Variants in CARF observed in about 807,000 individuals in gnomAD.
CARF encodes the protein calcium responsive transcription factor, also known as calcium-responsive transcription factor.
Under a neutral mutation model 82.0 loss-of-function variants are expected in CARF, and 57 were observed. The observed-to-expected ratio is 0.70, with a 90% confidence interval of 0.56 to 0.87. The LOEUF is 0.87. Among genes scored for constraint, CARF ranks in the 40% least tolerant of loss-of-function variants. The pLI is 0.00. For synonymous variants in CARF, 268 were observed against 290.1 expected (o/e 0.92, Z 0.77); for missense variants, 771 against 855.8 (o/e 0.90, Z 1.24).
chr2:202,938,778 G>A lies in CARF; in HGVS notation c.-43-3082G>A, dbSNP rs144335487. 1.2e-3 allele frequency among the ~76,000 whole-genome samples: 186 copies of A among 151,354 alleles called. 1 individual carries two copies. The highest frequency in any genetic ancestry group is 9.9e-3 in the East Asian group (51 of 5,158). ...TTTTTCTTTTTTGAGATGGGGTTTC[G>A]CCATGTTGGCAGGCTGATCTCAAAC... On this transcript the variant is annotated intron_variant, in intron 3 of 16. Transcript: ENST00000438828.
At chr2:202,975,438 C>T (rs187018618) in intron 13 of CARF, among the ~76,000 whole-genome samples, 16 of 149,424 alleles carry the variant, frequency 1.1e-4, no homozygotes, top group Non-Finnish European at 1.5e-4. Context: ...AGCGAGACTC[C>T]GTCTAAAAAA....
chr2:202,966,988 T>C lies in CARF; in HGVS notation c.843T>C (p.Ala281=). ...GGTTTTGGCCCACAGGGAGTAGAGC[T>C]GTGGTAATGGAGTGTCAGTATGGGC... ...GIPFVNAGSR[A]VVMECQYGPR... is the part of the protein sequence containing the mutation. The change falls in exon 10 of 17, where the codon GCT becomes GCC. Residue 281 remains alanine, a synonymous_variant. Coordinates refer to ENST00000438828, the MANE Select transcript of CARF (RefSeq NM_024744.17). The C allele has an allele frequency of 3.1e-6, 5 of 1,613,896 alleles. No individual in the cohort carries two copies. The South Asian group carries it at 3.3e-5, about 11-fold the overall frequency.
At chr2:202,953,012 TTTTA>T (rs2058826714) in intron 6 of CARF, among the ~76,000 whole-genome samples, 1 of 151,984 alleles carries the variant, frequency 6.6e-6, no homozygotes, top group African/African-American at 2.4e-5. Flanking sequence ...CTTCAGAAGT[TTTTA>T]TTTATATCTT....
chr2:202,972,946 C>CT (rs1366576108), intron 12 of CARF, among the ~76,000 whole-genome samples: 2 of 151,848 alleles, frequency 1.3e-5, no homozygotes, highest in Non-Finnish European at 2.9e-5. Flanking sequence ...TTTTTTTTAA[C>CT]TTTTTTTGTA....
At chr2:202,962,646 A>G (rs1270792248) in intron 9 of CARF, 1 of 152,198 alleles carries the variant, frequency 6.6e-6, no homozygotes, top group Non-Finnish European at 1.5e-5. Context: ...TTTACCTTAC[A>G]TATTGTATCT....
At chr2:202,918,569 C>T (rs1690193374) in intron 2 of CARF, among the ~76,000 whole-genome samples, 1 of 152,146 alleles carries the variant, frequency 6.6e-6, no homozygotes, top group African/African-American at 2.4e-5. Flanking sequence ...AAAAACTTTA[C>T]TTTGACGGAG....
intron 14 of CARF, among the ~76,000 whole-genome samples, chr2:202,980,503 G>C (rs761164277): frequency 1.0e-4 from 15 of 149,862 alleles, no homozygotes; most frequent in Admixed American, 1.3e-4. Flanking sequence ...AATTAAGTTT[G>C]GTGTTAATTG....
intron 2 of CARF, among the ~76,000 whole-genome samples, chr2:202,918,523 T>C (rs1690174983): frequency 6.6e-6 from 1 of 151,976 alleles, no homozygotes; most frequent in Non-Finnish European, 1.5e-5. Flanking sequence ...AGAGCAAGAC[T>C]CCGTCTCAAA....
intron 8 of CARF, among the ~76,000 whole-genome samples, chr2:202,959,072 C>A (rs1270247397): frequency 6.6e-6 from 1 of 151,774 alleles, no homozygotes; most frequent in Non-Finnish European, 1.5e-5. Context: ...GGACAAATGT[C>A]AATACTGTAT....
chr2:202,925,479 G>T, intron 3 of CARF: 1 of 259,588 alleles, frequency 3.9e-6, no homozygotes. Context: ...CTGAAAGCAT[G>T]TACAAGGAGT....
chr2:202,974,432 A>G lies in CARF; in HGVS notation c.1430A>G (p.His477Arg). The change falls in exon 13 of 17, where the codon CAT becomes CGT. Residue 477 changes from histidine to arginine, a missense_variant. Coordinates refer to ENST00000438828, the MANE Select transcript of CARF (RefSeq NM_024744.17). ...GTAAATGATATAAAAAATCACATCCATGAGGTACAGAAATCCTTGAGAAAT... is the reference window on the plus strand; with the variant it reads ...GTAAATGATATAAAAAATCACATCCGTGAGGTACAGAAATCCTTGAGAAAT... ...PTVNDIKNHI[H>R]EVQKSLRNGD... The G allele has an allele frequency of 6.2e-7, 1 of 1,609,070 alleles. No individual in the cohort carries two copies. Among genetic ancestry groups the G allele is most frequent in the Non-Finnish European group, 8.5e-7 (1 of 1,178,698 alleles).
chr2:202,940,818 G>C (rs72926777), intron 3 of CARF, among the ~76,000 whole-genome samples: 255 of 152,210 alleles, frequency 1.7e-3, no homozygotes, highest in Non-Finnish European at 2.9e-3. Flanking sequence ...TTGGAGTTGG[G>C]GGGAGGGGAG....
At chr2:202,924,642 G>T in intron 3 of CARF, 1 of 153,650 alleles carries the variant, frequency 6.5e-6, no homozygotes. Context: ...GTCCTACATG[G>T]TATCCACCTC....
In CARF at chr2:202,971,686, G is replaced by A; in HGVS notation, c.1279G>A (p.Glu427Lys). ...TCCTCAAGTAGCACATAAGATTCAA[G>A]AATTAGTATCACAGGGAATAGAACA... ...LHPQVAHKIQ[E>K]LVSQGIEQVY... Residue 427 changes from glutamate (E) to lysine (K), a missense_variant, in exon 12 of 17, where the codon GAA becomes AAA. Coordinates refer to ENST00000438828, the MANE Select transcript of CARF (RefSeq NM_024744.17). 1.2e-6 allele frequency: 2 copies of A among 1,613,526 alleles called. No homozygotes were observed. Among genetic ancestry groups the A allele is most frequent in the Non-Finnish European group, 1.7e-6 (2 of 1,179,696 alleles).
intron 1 of CARF, among the ~76,000 whole-genome samples, chr2:202,916,168 T>TTATTTATG (rs1689606918): frequency 6.6e-6 from 1 of 150,654 alleles, no homozygotes; most frequent in African/African-American, 2.4e-5. Flanking sequence ...AATATTTTAT[T>TTATTTATG]TATTTATTTA....
At chr2:202,980,486 AAAGGTGAATTAAGTTT>A (rs2060202530) in intron 14 of CARF, among the ~76,000 whole-genome samples, 1 of 150,958 alleles carries the variant, frequency 6.6e-6, no homozygotes, top group Non-Finnish European at 1.5e-5. Flanking sequence ...TAGGGCTACA[AAAGGTGAATTAAGTTT>A]GGTGTTAATT....
At chr2:202,948,291 C>A (rs754260199) in intron 5 of CARF, among the ~76,000 whole-genome samples, 4 of 152,148 alleles carry the variant, frequency 2.6e-5, no homozygotes, top group African/African-American at 7.2e-5. Flanking sequence ...TAACATAATG[C>A]CTCCAGCTTT....
Position 202,986,218 on chromosome 2 carries a change from T to G in CARF, c.*2594T>G, listed in dbSNP as rs576398412. On this transcript the variant is annotated 3_prime_UTR_variant, in exon 17 of 17. Transcript: ENST00000438828. ...AATTCATTGTCATCTAAATGCATGT[T>G]TAGTCACAATGTATCAGTATTGTGT... is the stretch of plus-strand genomic sequence containing the variant. The G allele has an allele frequency of 8.5e-5, 13 of 152,300 alleles. No individual in the cohort carries two copies. Among genetic ancestry groups the G allele is most frequent in the Admixed American group, 5.2e-4 (8 of 15,302 alleles). The allele number at this position is 152,300 out of a possible 1,614,324, so 9.4% of individuals were successfully genotyped here. A position where few individuals can be genotyped will look rare whatever the true frequency, so the allele number is the denominator to read the frequency against.
intron 10 of CARF, among the ~76,000 whole-genome samples, chr2:202,968,937 G>T (rs1484300113): frequency 6.6e-6 from 1 of 152,188 alleles, no homozygotes; most frequent in African/African-American, 2.4e-5. Context: ...AGTTTAAATT[G>T]AATTTGGGTG....
Sources: gnomAD v4.1 joint callset for allele counts (sites outside exome capture counted in the v4.1 genomes callset) on GRCh38, gnomAD v4.1.1 for gene constraint, MANE v1.5 for transcripts, NCBI Gene and HGNC (gene_info 2026-07-23, HGNC 2026-07-21) for gene names.